Variants in LRMDA observed in about 807,000 individuals in gnomAD.
The protein encoded by LRMDA is leucine rich melanocyte differentiation associated, also known as leucine-rich melanocyte differentiation-associated protein.
A neutral mutation model predicts 29.8 loss-of-function variants in LRMDA; 18 were observed. That is an observed-to-expected ratio of 0.60 (90% confidence interval 0.42 to 0.90). The LOEUF is 0.90. Ranked by LOEUF, LRMDA falls within the 40% of genes least tolerant of loss-of-function variation. The probability of loss-of-function intolerance (pLI) is 0.00; values close to 1 mark genes in which losing one functional copy is unlikely to be tolerated. For synonymous variants in LRMDA, 125 were observed against 109.4 expected (o/e 1.14, Z -0.89); for missense variants, 273 against 273.9 (o/e 1.00, Z 0.02).
intron 6 of LRMDA, among the ~76,000 whole-genome samples, chr10:76,483,456 C>A (rs1842752174): frequency 6.6e-6 from 1 of 151,820 alleles, no homozygotes; most frequent in South Asian, 2.1e-4. Flanking sequence ...CTACACGGGG[C>A]AGCTTATGGT....
chr10:75,706,101 C>A (rs1404978263), intron 2 of LRMDA, among the ~76,000 whole-genome samples: 1 of 152,144 alleles, frequency 6.6e-6, no homozygotes, highest in African/African-American at 2.4e-5. Flanking sequence ...AGATCATACA[C>A]TTTTTGCCAT....
intron 6 of LRMDA, among the ~76,000 whole-genome samples, chr10:76,473,695 T>C (rs1005853544): frequency 1.3e-5 from 2 of 151,214 alleles, no homozygotes; most frequent in African/African-American, 2.4e-5. Context: ...AAGACCAATG[T>C]AGAAACATCC....
chr10:76,011,416 G>A (rs894847765), intron 2 of LRMDA, among the ~76,000 whole-genome samples: 5 of 152,202 alleles, frequency 3.3e-5, no homozygotes, highest in East Asian at 3.9e-4. Context: ...TGGCCATCTC[G>A]TCTCCCGTAC....
intron 2 of LRMDA, among the ~76,000 whole-genome samples, chr10:75,497,329 C>T (rs1845057841): frequency 6.6e-6 from 1 of 152,072 alleles, no homozygotes; most frequent in African/African-American, 2.4e-5. Context: ...GACATTTGTT[C>T]TGCTTGCTTT....
intron 2 of LRMDA, among the ~76,000 whole-genome samples, chr10:75,632,995 G>T (rs1190816597): frequency 6.6e-6 from 1 of 151,980 alleles, no homozygotes; most frequent in Non-Finnish European, 1.5e-5. Flanking sequence ...CAGACTCCTG[G>T]CAGAAGATGT....
chr10:75,942,460 T>TTAA (rs1364122707), intron 2 of LRMDA, among the ~76,000 whole-genome samples: 1 of 152,238 alleles, frequency 6.6e-6, no homozygotes, highest in African/African-American at 2.4e-5. Context: ...AAGCTTATGC[T>TTAA]TAACCTCTAA....
rs527710455 is a variant in LRMDA, at chr10:76,233,899, A to G, written c.517-90502A>G. The stretch of plus-strand genomic sequence containing the variant: ...CTACTGAAGTCTTGAGCCCCTCAAA[A>G]TCATCCGTGAGGGTTGGAATTCACT... On this transcript the variant is annotated intron_variant, in intron 5 of 6. Transcript: ENST00000611255. Among the ~76,000 whole-genome samples, 7 of 152,264 alleles carry G rather than the reference A, an allele frequency of 4.6e-5. No homozygotes were observed. In the East Asian group the frequency reaches 7.7e-4, roughly 17 times the overall value.
chr10:76,031,727 A>C (rs1233172520), intron 2 of LRMDA, among the ~76,000 whole-genome samples: 1 of 152,114 alleles, frequency 6.6e-6, no homozygotes, highest in Non-Finnish European at 1.5e-5. Flanking sequence ...CCATTTTCTC[A>C]ATTAAAAATA....
intron 2 of LRMDA, among the ~76,000 whole-genome samples, chr10:76,020,483 C>T (rs1363075324): frequency 1.3e-5 from 2 of 152,234 alleles, no homozygotes; most frequent in Admixed American, 6.5e-5. Flanking sequence ...CTTTCCCAAG[C>T]TTCCATTTGA....
At position 75,608,129 on chromosome 10, in the gene LRMDA, T is replaced by TATATATATATATATACAC. The variant is rs11271217; in HGVS notation, c.131+169636_131+169637insTATATATATATATACACA. On this transcript the variant is annotated intron_variant, in intron 2 of 6. Coordinates refer to ENST00000611255, the MANE Select transcript of LRMDA (RefSeq NM_001305581.2). ...GTGTGTGTATATATATATATATATA[T>TATATATATATATATACAC]ACACACACATACACAAAGCAATATT... 4.0e-3 allele frequency among the ~76,000 whole-genome samples: 356 copies of TATATATATATATATACAC among 89,398 alleles called. 6 individuals are homozygous for TATATATATATATATACAC. Among genetic ancestry groups the TATATATATATATATACAC allele is most frequent in the East Asian group, 0.016 (49 of 3,038 alleles). 58.6% of individuals were successfully genotyped at this position (89,398 alleles called of 152,430 possible).
intron 2 of LRMDA, among the ~76,000 whole-genome samples, chr10:75,614,410 G>A (rs1230610583): frequency 2.0e-5 from 3 of 152,116 alleles, no homozygotes; most frequent in Admixed American, 6.6e-5. Flanking sequence ...CATTAATCAC[G>A]GCCATTAGTT....
At chr10:76,515,728 C>A (rs1197213430) in intron 6 of LRMDA, among the ~76,000 whole-genome samples, 1 of 152,262 alleles carries the variant, frequency 6.6e-6, no homozygotes, top group South Asian at 2.1e-4. Flanking sequence ...TGGTCTTGAA[C>A]TCCTGGACTC....
intron 2 of LRMDA, among the ~76,000 whole-genome samples, chr10:75,640,127 C>T (rs918685607): frequency 6.6e-6 from 1 of 152,158 alleles, no homozygotes; most frequent in African/African-American, 2.4e-5. Context: ...ATGTAGCCCA[C>T]AGAGTGAGCA....
At chr10:75,588,815 A>G (rs1840686559) in intron 2 of LRMDA, among the ~76,000 whole-genome samples, 1 of 152,158 alleles carries the variant, frequency 6.6e-6, no homozygotes, top group East Asian at 1.9e-4. Context: ...ATGTATAAGC[A>G]AGCATATTAA....
At chr10:76,001,827 C>T (rs1283656503) in intron 2 of LRMDA, among the ~76,000 whole-genome samples, 1 of 152,134 alleles carries the variant, frequency 6.6e-6, no homozygotes, top group African/African-American at 2.4e-5. Flanking sequence ...TTTGCAGCTA[C>T]CCACCCAAAA....
chr10:75,736,697 G>GT (rs1842766840), intron 2 of LRMDA, among the ~76,000 whole-genome samples: 1 of 152,164 alleles, frequency 6.6e-6, no homozygotes, highest in South Asian at 2.1e-4. Flanking sequence ...GCTTCAAGAA[G>GT]TTTTTTACAT....
rs558276905 is a variant in LRMDA at position 76,196,371 on chromosome 10, G to C, written c.517-128030G>C. On this transcript the variant is annotated intron_variant, in intron 5 of 6. Coordinates refer to ENST00000611255, the MANE Select transcript of LRMDA (RefSeq NM_001305581.2). Reference sequence around the variant, plus strand: ...ACAATTAGAAGCTCTCAGAGAGCAGGGACTCCACAGTAGCATAATTGAAAT... The same window carrying C: ...ACAATTAGAAGCTCTCAGAGAGCAGCGACTCCACAGTAGCATAATTGAAAT... Among the ~76,000 whole-genome samples the C allele has an allele frequency of 3.9e-5, 6 of 152,280 alleles. No homozygotes were observed. The South Asian group carries it at 6.2e-4, about 16-fold the overall frequency.
chr10:75,935,636 G>A (rs1402776314), intron 2 of LRMDA, among the ~76,000 whole-genome samples: 3 of 152,180 alleles, frequency 2.0e-5, no homozygotes, highest in Admixed American at 6.5e-5. Context: ...CAAACTTCTG[G>A]TTTTGACAAC....
intron 2 of LRMDA, among the ~76,000 whole-genome samples, chr10:75,695,562 C>G (rs1458462096): frequency 6.6e-6 from 1 of 151,990 alleles, no homozygotes; most frequent in East Asian, 1.9e-4. Context: ...AGCTGTATCT[C>G]CCTCCCCCTC....
Sources: gnomAD v4.1 joint callset for allele counts (sites outside exome capture counted in the v4.1 genomes callset) on GRCh38, gnomAD v4.1.1 for gene constraint, MANE v1.5 for transcripts, NCBI Gene and HGNC (gene_info 2026-07-23, HGNC 2026-07-21) for gene names.